Variants in GREB1 observed in about 807,000 individuals in gnomAD.
GREB1 encodes the protein growth regulating estrogen receptor binding 1, also known as protein GREB1.
In GREB1, 106 loss-of-function variants were observed where a neutral mutation model predicts 200.7. The observed-to-expected ratio is 0.53, with a 90% CI of 0.45 to 0.62. The LOEUF (loss-of-function observed/expected upper bound fraction) is 0.62. Ranked by LOEUF, GREB1 falls within the 20% of genes least tolerant of loss-of-function variation. The probability of loss-of-function intolerance (pLI) is 0.00; values close to 1 mark genes in which losing one functional copy is unlikely to be tolerated. For synonymous variants in GREB1, 1,132 were observed against 1,092.4 expected (o/e 1.04, Z -0.72); for missense variants, 2,243 against 2,556.8 (o/e 0.88, Z 2.65).
intron 19 of GREB1, 48 bp downstream of exon 19, chr2:11,612,658 C>A (rs911068449): frequency 4.1e-6 from 5 of 1,227,424 alleles, no homozygotes; most frequent in Middle Eastern, 5.5e-4. Flanking sequence ...AGCTGGCTGC[C>A]TGGGCCCCCT....
chr2:11,626,324 A>C (rs1387410031), intron 24 of GREB1, among the ~76,000 whole-genome samples: 1 of 152,118 alleles, frequency 6.6e-6, no homozygotes. Context: ...GTGGTGGCTC[A>C]CGCCTGTAAT....
intron 9 of GREB1, chr2:11,587,617 G>A: frequency 6.9e-7 from 1 of 1,445,716 alleles, no homozygotes; most frequent in Non-Finnish European, 9.1e-7. Context: ...AGCCCAGCAG[G>A]ACATCTGCAT....
rs563567560 is a variant in GREB1, at chr2:11,614,201, A to G, written c.3123-890A>G. Among the ~76,000 whole-genome samples the G allele has an allele frequency of 2.1e-4, 31 of 145,368 alleles. No homozygotes were observed. In the Middle Eastern group the frequency reaches 0.011, roughly 51 times the overall value. On this transcript the variant is annotated intron_variant, in intron 19 of 32. Transcript: ENST00000381486. ...GAGTGCAGTGGTGCAATCTCAACTC[A>G]CTGCAGACTCCGCCTCCTGGGTTCA... is the stretch of plus-strand genomic sequence containing the variant.
chr2:11,562,621 A>T (rs373866428), intron 3 of GREB1, 39 bp downstream of exon 3: 80 of 1,542,394 alleles, frequency 5.2e-5, no homozygotes, highest in Middle Eastern at 3.5e-4. Flanking sequence ...AGTGCCTGCC[A>T]TGCTGCCCGG....
chr2:11,627,206 T>G, intron 25 of GREB1, 102 bp downstream of exon 25: 1 of 1,093,478 alleles, frequency 9.1e-7, no homozygotes, highest in Non-Finnish European at 1.3e-6. Context: ...TAGAGAGTTC[T>G]GGAAGCCCTG....
chr2:11,610,521 AAAG>A (rs1682821380), intron 17 of GREB1, among the ~76,000 whole-genome samples, 164 bp from the exon 18 acceptor site: 1 of 152,242 alleles, frequency 6.6e-6, no homozygotes, highest in Non-Finnish European at 1.5e-5. Flanking sequence ...TTTGATTTCT[AAAG>A]AAGGCTTCTC....
chr2:11,503,501 T>C (rs142569980), intron 1 of GREB1, among the ~76,000 whole-genome samples: 96 of 152,312 alleles, frequency 6.3e-4, no homozygotes, highest in Middle Eastern at 3.4e-3. Flanking sequence ...TTGTATCTCT[T>C]CGTGTCTCAG....
intron 1 of GREB1, among the ~76,000 whole-genome samples, chr2:11,538,831 C>T (rs1393589846): frequency 4.6e-5 from 6 of 129,038 alleles, no homozygotes; most frequent in Admixed American, 2.3e-4. Context: ...CTCCCTTCCT[C>T]CCTCCCTCCA....
At chr2:11,532,831 T>C (rs2148493688), upstream of GREB1, among the ~76,000 whole-genome samples, 1 of 152,328 alleles carries the variant, frequency 6.6e-6, no homozygotes, top group Non-Finnish European at 1.5e-5. Flanking sequence ...GTGATGATAC[T>C]GCTTAAAGAT....
chr2:11,556,530 G>A lies in GREB1; in HGVS notation c.-85G>A, dbSNP rs879028446. ...TACACGGCCCTTCCTCCTTGCAGCT[G>A]TTTCACCTTCTACCTTGCGTGGAGC... On this transcript the variant is annotated 5_prime_UTR_variant, in exon 2 of 33. Coordinates refer to ENST00000381486, the MANE Select transcript of GREB1 (RefSeq NM_014668.4). 4.3e-6 allele frequency: 5 copies of A among 1,161,028 alleles called. No homozygotes were observed. In the South Asian group the frequency reaches 6.4e-5, roughly 15 times the overall value. 71.9% of individuals were successfully genotyped at this position (1,161,028 alleles called of 1,614,324 possible).
chr2:11,600,143 A>G (rs544432526), intron 15 of GREB1, among the ~76,000 whole-genome samples: 11 of 152,296 alleles, frequency 7.2e-5, no homozygotes, highest in Admixed American at 7.2e-4. Context: ...CTTGGGGGAA[A>G]TCGGAACATT....
At chr2:11,589,406 C>G (rs951360130) in intron 10 of GREB1, among the ~76,000 whole-genome samples, 1 of 152,054 alleles carries the variant, frequency 6.6e-6, no homozygotes, top group African/African-American at 2.4e-5. Flanking sequence ...CAGGTGGGGC[C>G]CTGGGGAGAG....
In GREB1 at chr2:11,618,616, C is replaced by T. The variant is rs755368361; in HGVS notation, c.3741C>T (p.Cys1247=). The T allele has an allele frequency of 5.0e-6, 8 of 1,613,308 alleles. 1 individual carries two copies. Among genetic ancestry groups the T allele is most frequent in the South Asian group, 3.3e-5 (3 of 91,048 alleles). Residue 1247 remains cysteine (C), a synonymous_variant, in exon 22 of 33, where the codon TGC becomes TGT. Coordinates refer to ENST00000381486, the MANE Select transcript of GREB1 (RefSeq NM_014668.4). ...AGTWVLQASQ[C]SLTKACRQPP... ...CGTGGGTCCTGCAGGCCTCCCAGTG[C>T]TCCTTGACCAAGGCCTGCCGCCAGC...
At chr2:11,483,945 T>C (rs1469943989) in intron 1 of GREB1, among the ~76,000 whole-genome samples, 1 of 152,202 alleles carries the variant, frequency 6.6e-6, no homozygotes, top group Admixed American at 6.5e-5. Context: ...CTTTTTATTA[T>C]CCCTTTAAAA....
At chr2:11,488,702 A>C (rs940841331) in intron 1 of GREB1, among the ~76,000 whole-genome samples, 2 of 149,822 alleles carry the variant, frequency 1.3e-5, no homozygotes, top group African/African-American at 4.9e-5. Context: ...GAGGCAGGAG[A>C]GTGGCTTGAA....
chr2:11,499,315 G>A (rs1672966943), intron 1 of GREB1, among the ~76,000 whole-genome samples: 4 of 152,264 alleles, frequency 2.6e-5, no homozygotes. Flanking sequence ...AGCAAGGGGT[G>A]GGCACACACA....
intron 24 of GREB1, among the ~76,000 whole-genome samples, chr2:11,626,309 C>T (rs1038779032): frequency 2.0e-5 from 3 of 151,950 alleles, no homozygotes; most frequent in South Asian, 2.1e-4. Context: ...AAGCAGGGGC[C>T]GGGTGTGGTG....
chr2:11,639,625 G>A (rs1307907226), intron 32 of GREB1, among the ~76,000 whole-genome samples: 1 of 152,224 alleles, frequency 6.6e-6, no homozygotes, highest in Non-Finnish European at 1.5e-5. Context: ...ATCCCTAGCT[G>A]ACCTTCGCTT....
chr2:11,571,138 C>CT (rs1357561022), intron 4 of GREB1, among the ~76,000 whole-genome samples: 2 of 151,992 alleles, frequency 1.3e-5, no homozygotes, highest in Non-Finnish European at 2.9e-5. Context: ...TTTGTTTTTT[C>CT]TTTTTTTCAA....
Sources: gnomAD v4.1 joint callset for allele counts (sites outside exome capture counted in the v4.1 genomes callset) on GRCh38, gnomAD v4.1.1 for gene constraint, MANE v1.5 for transcripts, NCBI Gene and HGNC (gene_info 2026-07-23, HGNC 2026-07-21) for gene names.